The following KDM5D variants were observed in gnomAD, a reference collection of about 807,000 sequenced individuals.
KDM5D encodes lysine-specific demethylase 5D.
Under a neutral mutation model 31.9 loss-of-function variants are expected in KDM5D, and 25 were observed. The observed-to-expected ratio is 0.78, with a 90% confidence interval of 0.57 to 1.09. KDM5D has a LOEUF of 1.09. KDM5D is among the 50% of genes least tolerant of loss of function. KDM5D has a pLI of 0.00. For synonymous variants in KDM5D, 146 were observed against 122.3 expected (o/e 1.19, Z -1.28); for missense variants, 366 against 341.6 (o/e 1.07, Z -0.56).
At chrY:19,733,880 A>C in intron 8 of KDM5D, among the ~76,000 whole-genome samples, 1 of 33,212 alleles carries the variant, frequency 3.0e-5, no homozygotes, top group South Asian at 6.5e-4. Flanking sequence ...TCTCAGAAAA[A>C]AAGAAAAAAA....
At chrY:19,743,365 A>C in intron 2 of KDM5D, 126 bp from the exon 3 acceptor site, 1 of 104,491 alleles carries the variant, frequency 9.6e-6, no homozygotes, top group Non-Finnish European at 1.7e-5. Flanking sequence ...AAGGGCCTCA[A>C]ATGATTCCTT....
At chrY:19,743,599 G>A in intron 2 of KDM5D, among the ~76,000 whole-genome samples, 1 of 32,744 alleles carries the variant, frequency 3.1e-5, no homozygotes, top group African/African-American at 1.2e-4. Flanking sequence ...TAAATGTAAT[G>A]CAGATAAAAA....
At position 19,716,586 on chromosome Y, in the gene KDM5D, G is replaced by A; in HGVS notation, c.1836+10C>T. The A allele has an allele frequency of 2.5e-6, 1 of 398,983 alleles. No homozygotes were observed. Among genetic ancestry groups the A allele is most frequent in the Non-Finnish European group, 3.5e-6 (1 of 283,266 alleles). On this transcript the variant is annotated intron_variant, in intron 14 of 26. Transcript: ENST00000317961. ...CTTTCTACCTGCAGGCCCACTGCAT[G>A]CTCACTCACCCAGTCAGCAGTACAA...
chrY:19,709,069 C>T, intron 20 of KDM5D, 56 bp from the exon 21 acceptor site: 2 of 306,033 alleles, frequency 6.5e-6, no homozygotes, highest in African/African-American at 1.4e-4. Flanking sequence ...GTATACATGC[C>T]CCTTTTCTAA....
intron 11 of KDM5D, among the ~76,000 whole-genome samples, chrY:19,724,670 C>T (rs2045417251): frequency 6.0e-5 from 2 of 33,334 alleles, no homozygotes; most frequent in South Asian, 1.3e-3. Context: ...ACAAGGATGC[C>T]CTCTCTCACT....
Position 19,716,461 on chromosome Y carries a change from G to A in KDM5D, c.1849C>T (p.Arg617Cys). The change falls in exon 15 of 27, where the codon CGC becomes TGC. Residue 617 changes from arginine to cysteine, a missense_variant. Arg to Cys is a radical substitution (Grantham distance 180, BLOSUM62 -3). Transcript: ENST00000317961. ...FCTADWLPAG[R>C]QCIEHYRRLR... ...CGGCGGTAGTGTTCAATGCACTGGC[G>A]TCCAGCAGGTAGCTGCAAGTGCGTT... The A allele has an allele frequency of 2.5e-6, 1 of 398,700 alleles. No homozygotes were observed.
chrY:19,715,070 G>A, intron 18 of KDM5D: 1 of 110,874 alleles, frequency 9.0e-6, no homozygotes, highest in Non-Finnish European at 1.8e-5. Flanking sequence ...GTAATTTCTA[G>A]TTTCTATTAT....
intron 11 of KDM5D, among the ~76,000 whole-genome samples, chrY:19,722,653 T>C: frequency 3.3e-5 from 1 of 30,357 alleles, no homozygotes; most frequent in South Asian, 7.4e-4. Flanking sequence ...AAAAGGTTAA[T>C]ATCCAAAACG....
At position 19,706,359 on chromosome Y, in the gene KDM5D, C is replaced by G; in HGVS notation, c.4270-14G>C. 1 of 383,871 alleles carries G rather than the reference C, an allele frequency of 2.6e-6. No homozygotes were observed. Among genetic ancestry groups the G allele is most frequent in the Non-Finnish European group, 3.6e-6 (1 of 275,256 alleles). On this transcript the variant is annotated splice_polypyrimidine_tract_variant and intron_variant, in intron 26 of 26. Coordinates refer to ENST00000317961, the MANE Select transcript of KDM5D (RefSeq NM_004653.5). ...AAATTTTTCCAGCTGCAATCATACC[C>G]ACACAAGGCGAAAAACGTCAGTACT...
intron 18 of KDM5D, among the ~76,000 whole-genome samples, chrY:19,712,587 G>A: frequency 2.9e-5 from 1 of 34,224 alleles, no homozygotes; most frequent in Non-Finnish European, 7.3e-5. Context: ...TAACTGTCAG[G>A]CAGCCTCAAA....
At position 19,705,808 on chromosome Y, in the gene KDM5D, C is replaced by T. The variant is rs2045222255; in HGVS notation, c.*187G>A. The T allele has an allele frequency of 7.1e-6, 1 of 141,808 alleles. No homozygotes were observed. The highest frequency in any genetic ancestry group is 1.3e-5 in the Non-Finnish European group (1 of 76,053). The allele number at this position is 141,808 out of a possible 400,897, so 35.4% of individuals were successfully genotyped here. A position where few individuals can be genotyped will look rare whatever the true frequency, so the allele number is the denominator to read the frequency against. ...CAGGAATGTTGCTGGCAAGACACTT[C>T]TGAGCATCGGGGTGTGGACTTTACG... On this transcript the variant is annotated 3_prime_UTR_variant, in exon 27 of 27. Transcript: ENST00000317961.
chrY:19,734,330 C>A (rs2032616), intron 8 of KDM5D, among the ~76,000 whole-genome samples: 249 of 33,625 alleles, frequency 7.4e-3, no homozygotes, highest in African/African-American at 0.028. Flanking sequence ...AAAAGCTATG[C>A]CTAACAAAAC....
In KDM5D at chrY:19,732,689, A is replaced by C; in HGVS notation, c.987T>G (p.Leu329=). 4 of 392,021 alleles carry C rather than the reference A, an allele frequency of 1.0e-5. No homozygotes were observed. Among genetic ancestry groups the C allele is most frequent in the Non-Finnish European group, 1.4e-5 (4 of 278,768 alleles). ...VCSRGDEDDK[L]LFCDGCDDNY... is the part of the protein sequence containing the mutation. ...TGTCATCACAGCCATCACAGAAAAG[A>C]AGCTTATCATCTTCATCCCCACGGG... The change falls in exon 9 of 27, where the codon CTT becomes CTG. Residue 329 remains leucine, a synonymous_variant. Transcript: ENST00000317961.
intron 11 of KDM5D, among the ~76,000 whole-genome samples, chrY:19,728,758 TG>T (rs1339124092): frequency 1.2e-4 from 4 of 33,357 alleles, no homozygotes; most frequent in Admixed American, 2.8e-4. Flanking sequence ...TAAATCTATA[TG>T]CAGTATAAAA....
intron 6 of KDM5D, among the ~76,000 whole-genome samples, chrY:19,737,558 T>G (rs2045518782): frequency 3.0e-5 from 1 of 33,803 alleles, no homozygotes; most frequent in Non-Finnish European, 7.3e-5. Context: ...TTATGTACAT[T>G]ATAGATTTTA....
In KDM5D at chrY:19,716,347, C is replaced by T; in HGVS notation, c.1963G>A (p.Ala655Thr). ...PETLDLNLAV[A>T]VHKEMFIMVQ... The stretch of plus-strand genomic sequence containing the variant: ...ATAATGAACATCTCCTTGTGCACAG[C>T]TACTGCTAGATTGAGATCCAACGTC... Residue 655 changes from alanine to threonine, a missense_variant, in exon 15 of 27, where the codon GCT (alanine) becomes ACT (threonine). Physicochemically the swap from Ala to Thr is moderately conservative, Grantham distance 58 (BLOSUM62 0). Coordinates refer to ENST00000317961, the MANE Select transcript of KDM5D (RefSeq NM_004653.5). 1 of 398,979 alleles carries T rather than the reference C, an allele frequency of 2.5e-6. No homozygotes were observed. The highest frequency in any genetic ancestry group is 3.5e-6 in the Non-Finnish European group (1 of 283,374).
At chrY:19,726,726 C>G in intron 11 of KDM5D, among the ~76,000 whole-genome samples, 1 of 32,881 alleles carries the variant, frequency 3.0e-5, no homozygotes, top group African/African-American at 1.2e-4. Context: ...AATAAATAAA[C>G]TACAGAATAA....
rs761066667 is a variant in KDM5D at position 19,709,648 on chromosome Y, C to T, written c.2745G>A (p.Ala915=). 3 of 397,338 alleles carry T rather than the reference C, an allele frequency of 7.6e-6. No homozygotes were observed. The highest frequency in any genetic ancestry group is 3.0e-5 in the South Asian group (1 of 33,534). ...AHQLQQQVEQ[A]QWLDEVKQAL... ...CCTGCTTCACTTCATCTAGCCATTG[C>T]GCCTGCTCCACCTGCTGCTGAAGCT... The change falls in exon 20 of 27, where the codon GCG becomes GCA. Residue 915 remains alanine (A), a synonymous_variant. Transcript: ENST00000317961.
At chrY:19,732,969 C>T (rs2045483791) in intron 8 of KDM5D, among the ~76,000 whole-genome samples, 1 of 32,679 alleles carries the variant, frequency 3.1e-5, no homozygotes, top group Non-Finnish European at 7.5e-5. Flanking sequence ...AGAGGTTCAA[C>T]GGCGTAAACA....
Sources: allele counts gnomAD v4.1 joint callset (sites outside exome capture counted in the v4.1 genomes callset), GRCh38; gene constraint gnomAD v4.1.1; transcripts MANE v1.5; gene names NCBI Gene and HGNC (gene_info 2026-07-23, HGNC 2026-07-21).